Variants in SKAP1 observed in about 807,000 individuals in gnomAD.
SKAP1 encodes the protein src kinase-associated phosphoprotein 1.
Under a neutral mutation model 58.5 loss-of-function variants are expected in SKAP1, and 44 were observed. That is an observed-to-expected ratio of 0.75 (90% confidence interval 0.59 to 0.97). The LOEUF is 0.97. Among genes scored for constraint, SKAP1 ranks in the 50% least tolerant of loss-of-function variants. SKAP1 has a pLI of 0.00. For synonymous variants in SKAP1, 127 were observed against 149.7 expected (o/e 0.85, Z 1.11); for missense variants, 390 against 435.2 (o/e 0.90, Z 0.92).
the SKAP1 span, among the ~76,000 whole-genome samples, chr17:48,439,549 G>A: frequency 6.6e-6 from 1 of 152,180 alleles, no homozygotes; most frequent in Admixed American, 6.5e-5. Flanking sequence ...GTTGAATCTG[G>A]TGTTATTTAC....
At chr17:48,375,728 A>C (rs991475449) in intron 2 of SKAP1, among the ~76,000 whole-genome samples, 3 of 152,228 alleles carry the variant, frequency 2.0e-5, no homozygotes, top group African/African-American at 7.2e-5. Flanking sequence ...TAAAAACACT[A>C]AACAACAGGT....
rs1352609068 is a variant in SKAP1, at chr17:48,350,528, T to C, written c.179-4522A>G. ...TGACCAACATGGAAAACCCTGTCTCTACTAAAAATACAAAAAAATTAGCCA... is the reference window on the plus strand; with the variant it reads ...TGACCAACATGGAAAACCCTGTCTCCACTAAAAATACAAAAAAATTAGCCA... On this transcript the variant is annotated intron_variant, in intron 3 of 12. Coordinates refer to ENST00000336915, the MANE Select transcript of SKAP1 (RefSeq NM_003726.4). Among the ~76,000 whole-genome samples the C allele has an allele frequency of 2.0e-5, 3 of 152,154 alleles. No individual in the cohort carries two copies. In the East Asian group the frequency reaches 5.8e-4, roughly 29 times the overall value.
intron 4 of SKAP1, among the ~76,000 whole-genome samples, chr17:48,246,258 C>T (rs187643143): frequency 4.3e-4 from 66 of 152,202 alleles, no homozygotes; most frequent in Non-Finnish European, 7.6e-4. Context: ...CAAAGGTTTC[C>T]AAAAATTAGG....
At chr17:48,395,727 TAA>T (rs1368312050) in intron 2 of SKAP1, among the ~76,000 whole-genome samples, 1 of 152,146 alleles carries the variant, frequency 6.6e-6, no homozygotes, top group Admixed American at 6.6e-5. Flanking sequence ...AGTTGCTGAG[TAA>T]AAGTGATGCT....
At chr17:48,405,463 TTTCC>T (rs1429191841) in intron 1 of SKAP1, among the ~76,000 whole-genome samples, 2 of 125,676 alleles carry the variant, frequency 1.6e-5, no homozygotes, top group African/African-American at 6.2e-5. Flanking sequence ...TCTTTCTTTC[TTTCC>T]TTCCTTCCTT....
chr17:48,274,102 T>G (rs2065667912), intron 4 of SKAP1, among the ~76,000 whole-genome samples: 1 of 152,070 alleles, frequency 6.6e-6, no homozygotes, highest in Non-Finnish European at 1.5e-5. Context: ...TAAAAAAAAT[T>G]TTTAGGCCAA....
At chr17:48,432,133 A>C (rs1018204066), upstream of SKAP1, among the ~76,000 whole-genome samples, 1 of 152,168 alleles carries the variant, frequency 6.6e-6, no homozygotes, top group Non-Finnish European at 1.5e-5. Context: ...TGCCCTGAGA[A>C]AGTATAGTAA....
chr17:48,410,497 T>C (rs2067648916), intron 1 of SKAP1, among the ~76,000 whole-genome samples: 2 of 152,124 alleles, frequency 1.3e-5, no homozygotes, highest in African/African-American at 4.8e-5. Context: ...CTAGGCTCCT[T>C]AGAAAATGGC....
intron 4 of SKAP1, among the ~76,000 whole-genome samples, chr17:48,205,088 T>TTC (rs55806288): frequency 1.8e-3 from 242 of 137,904 alleles, no homozygotes; most frequent in South Asian, 6.5e-3. Context: ...CTTTCTTTCC[T>TTC]TCTCTCTCTC....
chr17:48,426,898 G>C (rs2067860007), intron 1 of SKAP1, among the ~76,000 whole-genome samples: 1 of 151,410 alleles, frequency 6.6e-6, no homozygotes, highest in Non-Finnish European at 1.5e-5. Flanking sequence ...GGGCTAAAAA[G>C]AGAAAAACAT....
intron 4 of SKAP1, among the ~76,000 whole-genome samples, chr17:48,296,657 A>T (rs1375346255): frequency 2.0e-5 from 3 of 152,168 alleles, no homozygotes; most frequent in Non-Finnish European, 2.9e-5. Flanking sequence ...TGCTGTGAGG[A>T]AAGATTTACG....
intron 4 of SKAP1, among the ~76,000 whole-genome samples, chr17:48,246,992 CCT>C (rs1456272023): frequency 6.6e-6 from 1 of 152,180 alleles, no homozygotes; most frequent in East Asian, 1.9e-4. Flanking sequence ...TTCCCATCCC[CCT>C]GACTCATACC....
In SKAP1 at chr17:48,225,030, G is replaced by T. The variant is rs1205984349; in HGVS notation, c.281-35530C>A. 3.3e-5 allele frequency among the ~76,000 whole-genome samples: 5 copies of T among 152,194 alleles called. No individual in the cohort carries two copies. In the East Asian group the frequency reaches 9.6e-4, roughly 29 times the overall value. ...GGACTACAAATAACTATAGGGGGCA[G>T]AAATTTAAAATTTAATAGAGAAGGG... On this transcript the variant is annotated intron_variant, in intron 4 of 12. Coordinates refer to ENST00000336915, the MANE Select transcript of SKAP1 (RefSeq NM_003726.4).
chr17:48,162,378 G>C, intron 11 of SKAP1, 91 bp downstream of exon 11: 2 of 703,214 alleles, frequency 2.8e-6, no homozygotes, highest in Non-Finnish European at 4.8e-6. Flanking sequence ...GCCATGGGAA[G>C]TGTATGACAT....
At chr17:48,251,891 A>G (rs2065368316) in intron 4 of SKAP1, among the ~76,000 whole-genome samples, 2 of 152,194 alleles carry the variant, frequency 1.3e-5, no homozygotes. Context: ...AAATTTCAAA[A>G]TTATCTTTTA....
At chr17:48,346,142 A>T (rs1189338607) in intron 3 of SKAP1, 136 bp from the exon 4 acceptor site, 2 of 506,008 alleles carry the variant, frequency 4.0e-6, no homozygotes, top group Admixed American at 7.5e-5. Context: ...GATGATGAAC[A>T]TGGCCACTAT....
chr17:48,220,966 C>T (rs1422836590), intron 4 of SKAP1, among the ~76,000 whole-genome samples: 1 of 149,782 alleles, frequency 6.7e-6, no homozygotes, highest in African/African-American at 2.5e-5. Flanking sequence ...AGTGTGTTCA[C>T]TTTGTTAAAA....
At chr17:48,235,870 C>T (rs1450763888) in intron 4 of SKAP1, among the ~76,000 whole-genome samples, 1 of 152,170 alleles carries the variant, frequency 6.6e-6, no homozygotes, top group Non-Finnish European at 1.5e-5. Flanking sequence ...CCAGAGAATA[C>T]TAGAAGATCT....
At chr17:48,244,909 C>T (rs1345435648) in intron 4 of SKAP1, among the ~76,000 whole-genome samples, 1 of 152,116 alleles carries the variant, frequency 6.6e-6, no homozygotes, top group Non-Finnish European at 1.5e-5. Flanking sequence ...GCCATTTGTT[C>T]CTGAGTCTAA....
Sources: gnomAD v4.1 joint callset for allele counts (sites outside exome capture counted in the v4.1 genomes callset) on GRCh38, gnomAD v4.1.1 for gene constraint, MANE v1.5 for transcripts, NCBI Gene and HGNC (gene_info 2026-07-23, HGNC 2026-07-21) for gene names.